PDGFB: variants seen among roughly 807,000 people sequenced by gnomAD.
The protein encoded by PDGFB is platelet-derived growth factor subunit B.
PDGFB carries 6 observed loss-of-function variants against 29.0 expected under a neutral mutation model. The ratio of observed to expected loss-of-function variants is 0.21; its 90% CI spans 0.11 to 0.41. The LOEUF is 0.41. PDGFB is among the 10% of genes least tolerant of loss of function. The pLI, the probability that PDGFB is intolerant of heterozygous loss-of-function variation, is 1.00. For missense variants in PDGFB, 299 were observed against 341.8 expected, an observed-to-expected ratio of 0.87 and a Z score of 0.99; for synonymous variants, 144 against 140.8, an observed-to-expected ratio of 1.02 and a Z score of -0.16.
rs1453391186 is a variant in PDGFB, at chr22:39,223,628, G to A, written c.*1714C>T. On this transcript the variant is annotated 3_prime_UTR_variant, in exon 7 of 7. Coordinates refer to ENST00000331163, the MANE Select transcript of PDGFB (RefSeq NM_002608.4). ...GCAAGCTGTCGGCACATCCTGCCAA[G>A]GCAGAAAGGTTAATTGTCACGCACG... 1 of 152,794 alleles carries A rather than the reference G, an allele frequency of 6.5e-6. No homozygotes were observed. Among genetic ancestry groups the A allele is most frequent in the African/African-American group, 2.4e-5 (1 of 41,456 alleles). The allele number at this position is 152,794 out of a possible 1,614,324, so 9.5% of individuals were successfully genotyped here. A position where few individuals can be genotyped will look rare whatever the true frequency, so the allele number is the denominator to read the frequency against.
At position 39,234,533 on chromosome 22, in the gene PDGFB, C is replaced by T. The variant is rs1216558164; in HGVS notation, c.161-1009G>A. On this transcript the variant is annotated intron_variant, in intron 2 of 6. Coordinates refer to ENST00000331163, the MANE Select transcript of PDGFB (RefSeq NM_002608.4). ...ACCGACCCACTGGCCCCATCCAAGACAAAGGCGCCTGCCGCCTGTCCGTCC... is the reference window on the plus strand; with the variant it reads ...ACCGACCCACTGGCCCCATCCAAGATAAAGGCGCCTGCCGCCTGTCCGTCC... 2.6e-5 allele frequency among the ~76,000 whole-genome samples: 4 copies of T among 152,244 alleles called. No individual in the cohort carries two copies. In the East Asian group the frequency reaches 7.7e-4, roughly 29 times the overall value.
In PDGFB at chr22:39,235,757, CG is replaced by C. The variant is rs780882295; in HGVS notation, c.160+20del. ...AAAGTCTCCTCGGAGGGCCGGAGCG[CG>C]GGGCGAGGATTCCATTTACCTCCGG... On this transcript the variant is annotated intron_variant, in intron 2 of 6. Transcript: ENST00000331163. 7 of 1,572,156 alleles carry C rather than the reference CG, an allele frequency of 4.5e-6. No homozygotes were observed. Among genetic ancestry groups the C allele is most frequent in the Non-Finnish European group, 5.3e-6 (6 of 1,142,480 alleles).
chr22:39,236,114 C>A (rs1932436755), intron 1 of PDGFB, among the ~76,000 whole-genome samples: 1 of 152,168 alleles, frequency 6.6e-6, no homozygotes, highest in African/African-American at 2.4e-5. Context: ...GGAACCCCAG[C>A]TTGCTTTGAG....
In PDGFB at chr22:39,230,159, GGTGGTCTTCCAGCGTCACC is replaced by G; in HGVS notation, c.507_525del (p.Val170TrpfsTer14). 1 of 1,614,056 alleles carries G rather than the reference GGTGGTCTTCCAGCGTCACC, an allele frequency of 6.2e-7. No individual in the cohort carries two copies. The highest frequency in any genetic ancestry group is 8.5e-7 in the Non-Finnish European group (1 of 1,180,002). ...GCCACTGTCTCACACTTGCATGCCA[GGTGGTCTTCCAGCGTCACC>G]GTGGCCTTCTTAAAGATTGGCTTCT... On this transcript the variant is annotated frameshift_variant, in exon 5 of 7. Coordinates refer to ENST00000331163, the MANE Select transcript of PDGFB (RefSeq NM_002608.4). LOFTEE classifies it high-confidence loss of function.
intron 1 of PDGFB, 52 bp from the exon 2 acceptor site, chr22:39,235,926 G>C: frequency 8.1e-7 from 1 of 1,237,308 alleles, no homozygotes; most frequent in Non-Finnish European, 1.2e-6. Flanking sequence ...GGGCTTTCCA[G>C]CATGGCTGTC....
At chr22:39,229,993 G>A (rs942552120) in intron 5 of PDGFB, 91 bp downstream of exon 5, 2 of 1,428,018 alleles carry the variant, frequency 1.4e-6, no homozygotes, top group African/African-American at 1.4e-5. Flanking sequence ...CCGGGGGCGG[G>A]CCTGATCCCA....
intron 1 of PDGFB, among the ~76,000 whole-genome samples, chr22:39,239,654 G>A (rs1212245283): frequency 1.3e-5 from 2 of 152,240 alleles, no homozygotes; most frequent in East Asian, 1.9e-4. Context: ...GTTTCTGGCA[G>A]AGTGAGGGCG....
intron 1 of PDGFB, 26 bp from the exon 2 acceptor site, chr22:39,235,900 A>G (rs1234190785): frequency 6.5e-7 from 1 of 1,533,684 alleles, no homozygotes; most frequent in Non-Finnish European, 9.0e-7. Context: ...CAAAAGGCTG[A>G]GTGAGCTGGG....
At chr22:39,235,194 G>A (rs1932412040) in intron 2 of PDGFB, among the ~76,000 whole-genome samples, 1 of 152,184 alleles carries the variant, frequency 6.6e-6, no homozygotes, top group African/African-American at 2.4e-5. Context: ...GTGCAGGGGG[G>A]CTGCTGACCA....
chr22:39,241,626 A>AG (rs1247897243), intron 1 of PDGFB, among the ~76,000 whole-genome samples: 3 of 152,232 alleles, frequency 2.0e-5, no homozygotes, highest in Non-Finnish European at 1.5e-5. Flanking sequence ...GGAAATGGTA[A>AG]GGGGAGGCTG....
rs371522759 is a variant in PDGFB at position 39,231,663 on chromosome 22, C to T, written c.415G>A (p.Val139Met). ...RCSGCCNNRN[V>M]QCRPTQVQLR... is the part of the protein sequence containing the mutation. Reference sequence around the variant, plus strand: ...TGCACCTGGGTGGGGCGGCACTGCACGTTGCGGTTGTTGCAGCAGCCGGAG... The same window carrying T: ...TGCACCTGGGTGGGGCGGCACTGCATGTTGCGGTTGTTGCAGCAGCCGGAG... Residue 139 changes from valine to methionine, a missense_variant, in exon 4 of 7, where the codon GTG becomes ATG. By Grantham distance (21) the Val-to-Met change is conservative. Coordinates refer to ENST00000331163, the MANE Select transcript of PDGFB (RefSeq NM_002608.4). This position sits in a 1 kb window ranked among gnomAD's most constrained non-coding sequence, Gnocchi z 4.3. 172 of 1,590,212 alleles carry T rather than the reference C, an allele frequency of 1.1e-4. No homozygotes were observed. Among genetic ancestry groups the T allele is most frequent in the Non-Finnish European group, 1.4e-4 (164 of 1,169,308 alleles).
chr22:39,231,182 A>G lies in PDGFB; in HGVS notation c.456+440T>C, dbSNP rs1350031241. ...AGGTGTCAAAGATGCAGGGCCACCCATCTGAGCCTTTCTCAAGACAGCCCT... is the reference window on the plus strand; with the variant it reads ...AGGTGTCAAAGATGCAGGGCCACCCGTCTGAGCCTTTCTCAAGACAGCCCT... On this transcript the variant is annotated intron_variant, in intron 4 of 6. Transcript: ENST00000331163. The surrounding 1 kb of genome is among the most constrained non-coding windows in gnomAD (Gnocchi z 4.3). Among the ~76,000 whole-genome samples, 1 of 152,234 alleles carries G rather than the reference A, an allele frequency of 6.6e-6. No homozygotes were observed. The highest frequency in any genetic ancestry group is 1.5e-5 in the Non-Finnish European group (1 of 68,042).
chr22:39,236,040 C>T (rs573946917), intron 1 of PDGFB, among the ~76,000 whole-genome samples, 166 bp from the exon 2 acceptor site: 2 of 152,322 alleles, frequency 1.3e-5, no homozygotes, highest in South Asian at 4.1e-4. Context: ...ACAAAGGCCT[C>T]GGGGCCTGGA....
At chr22:39,229,841 C>T (rs966635653) in intron 5 of PDGFB, among the ~76,000 whole-genome samples, 1 of 152,150 alleles carries the variant, frequency 6.6e-6, no homozygotes, top group African/African-American at 2.4e-5. Flanking sequence ...GCCTGCCCGG[C>T]GGGGGTGGCA....
In PDGFB at chr22:39,231,977, A is replaced by T. The variant is rs1025861181; in HGVS notation, c.251-150T>A. 7.6e-6 allele frequency: 5 copies of T among 655,408 alleles called. No homozygotes were observed. The allele number at this position is 655,408 out of a possible 1,614,324, so 40.6% of individuals were successfully genotyped here. Reference sequence around the variant, plus strand: ...TTTCAAGTCCTGGCTGTCATTAGCCATGGGACTTGGGCAGATGGCTGAGCC... The same window carrying T: ...TTTCAAGTCCTGGCTGTCATTAGCCTTGGGACTTGGGCAGATGGCTGAGCC... On this transcript the variant is annotated intron_variant, in intron 3 of 6. Transcript: ENST00000331163. This position sits in a 1 kb window ranked among gnomAD's most constrained non-coding sequence, Gnocchi z 4.3.
At chr22:39,225,585 G>T (rs1932144889) in intron 6 of PDGFB, 110 bp downstream of exon 6, 2 of 1,107,224 alleles carry the variant, frequency 1.8e-6, no homozygotes, top group Non-Finnish European at 2.5e-6. Context: ...GAGGACCAAG[G>T]CTCAGAGGCT....
rs181742690 is a variant in PDGFB, at chr22:39,234,749, A to G, written c.160+1029T>C. On this transcript the variant is annotated intron_variant, in intron 2 of 6. Transcript: ENST00000331163. Reference sequence around the variant, plus strand: ...AAGTTGATTAGGAAAAAATAGCCACATGGTTGCCTTGAAACAGGCCTGCTA... The same window carrying G: ...AAGTTGATTAGGAAAAAATAGCCACGTGGTTGCCTTGAAACAGGCCTGCTA... Among the ~76,000 whole-genome samples, 866 of 152,322 alleles carry G rather than the reference A, an allele frequency of 5.7e-3. 8 individuals carry two copies. The highest frequency in any genetic ancestry group is 9.4e-3 in the Non-Finnish European group (636 of 68,020).
At position 39,225,162 on chromosome 22, in the gene PDGFB, C is replaced by T. The variant is rs1932134846; in HGVS notation, c.*180G>A. Reference sequence around the variant, plus strand: ...ACGCCGGAGGCCGCTGGGAGGAGACCCGCTGATGGAAGGGTGGACGGACAC... The same window carrying T: ...ACGCCGGAGGCCGCTGGGAGGAGACTCGCTGATGGAAGGGTGGACGGACAC... On this transcript the variant is annotated 3_prime_UTR_variant, in exon 7 of 7. Transcript: ENST00000331163. 1 of 152,630 alleles carries T rather than the reference C, an allele frequency of 6.6e-6. No homozygotes were observed. The highest frequency in any genetic ancestry group is 2.4e-5 in the African/African-American group (1 of 41,358). The allele number at this position is 152,630 out of a possible 1,614,324, so 9.5% of individuals were successfully genotyped here. A position where few individuals can be genotyped will look rare whatever the true frequency, so the allele number is the denominator to read the frequency against.
chr22:39,242,845 G>T lies in PDGFB; in HGVS notation c.63+1056C>A, dbSNP rs1241440355. 3 of 232,142 alleles carry T rather than the reference G, an allele frequency of 1.3e-5. No homozygotes were observed. The highest frequency in any genetic ancestry group is 2.6e-5 in the Non-Finnish European group (3 of 117,366). 14.4% of individuals were successfully genotyped at this position (232,142 alleles called of 1,614,324 possible). On this transcript the variant is annotated intron_variant, in intron 1 of 6. Coordinates refer to ENST00000331163, the MANE Select transcript of PDGFB (RefSeq NM_002608.4). The surrounding 1 kb of genome is among the most constrained non-coding windows in gnomAD (Gnocchi z 5.7). ...GGCCGCAGCCGGGCGGAGGTGGGAC[G>T]GTACCCAGTCACGCCGCGCTCCCGG...
Sources: allele counts gnomAD v4.1 joint callset (sites outside exome capture counted in the v4.1 genomes callset), GRCh38; gene constraint gnomAD v4.1.1; non-coding constraint Gnocchi (gnomAD v3.1); transcripts MANE v1.5; gene names NCBI Gene and HGNC (gene_info 2026-07-23, HGNC 2026-07-21).